Variants in ADCY2 observed in about 807,000 individuals in gnomAD.
ADCY2 encodes the protein adenylate cyclase type 2.
A neutral mutation model predicts 125.2 loss-of-function variants in ADCY2; 31 were observed. That is an observed-to-expected ratio of 0.25 (90% CI 0.19 to 0.33). ADCY2 has a LOEUF of 0.33. ADCY2 is among the 10% of genes least tolerant of loss of function. ADCY2 has a pLI of 1.00. For missense variants in ADCY2, 904 were observed against 1,418.2 expected (o/e 0.64, Z 5.82); for synonymous variants, 512 against 548.4 (o/e 0.93, Z 0.93).
intron 4 of ADCY2, among the ~76,000 whole-genome samples, chr5:7,686,346 A>G (rs1348734987): frequency 6.6e-6 from 1 of 152,232 alleles, no homozygotes; most frequent in Non-Finnish European, 1.5e-5. Flanking sequence ...GAAATTTACT[A>G]AATTAACTCT....
At chr5:7,459,986 C>T (rs1197880533) in intron 2 of ADCY2, among the ~76,000 whole-genome samples, 1 of 151,550 alleles carries the variant, frequency 6.6e-6, no homozygotes, top group East Asian at 1.9e-4. Flanking sequence ...TGAGGTTTCA[C>T]GGTGTTAGCC....
intron 3 of ADCY2, among the ~76,000 whole-genome samples, chr5:7,557,073 T>G (rs547252096): frequency 6.6e-6 from 1 of 151,620 alleles, no homozygotes; most frequent in South Asian, 2.1e-4. Flanking sequence ...CAGGAGAGGA[T>G]GTTTTCAATG....
At chr5:7,434,823 C>G (rs912073298) in intron 2 of ADCY2, among the ~76,000 whole-genome samples, 2 of 152,194 alleles carry the variant, frequency 1.3e-5, no homozygotes, top group South Asian at 4.1e-4. Context: ...AGCCAATGGT[C>G]TCAGCCAAGA....
chr5:7,524,059 A>G (rs1409096068), intron 3 of ADCY2, among the ~76,000 whole-genome samples: 1 of 152,172 alleles, frequency 6.6e-6, no homozygotes, highest in Non-Finnish European at 1.5e-5. Context: ...AAGAGAGTTC[A>G]TTGTTCTCGG....
At chr5:7,761,914 G>T (rs2126466394) in intron 16 of ADCY2, among the ~76,000 whole-genome samples, 1 of 152,262 alleles carries the variant, frequency 6.6e-6, no homozygotes, top group Non-Finnish European at 1.5e-5. Flanking sequence ...TTCCAGTGTT[G>T]TTTTCCTTCC....
At chr5:7,645,746 C>T (rs1344889964) in intron 4 of ADCY2, among the ~76,000 whole-genome samples, 1 of 152,090 alleles carries the variant, frequency 6.6e-6, no homozygotes, top group Non-Finnish European at 1.5e-5. Flanking sequence ...ACAGGCTTTC[C>T]AAATAACCAT....
At chr5:7,691,481 T>C (rs1740700747) in intron 5 of ADCY2, 1 of 152,120 alleles carries the variant, frequency 6.6e-6, no homozygotes, top group Non-Finnish European at 1.5e-5. Context: ...GGGATTATAG[T>C]AGGGAAAGAG....
intron 7 of ADCY2, 151 bp from the exon 8 acceptor site, chr5:7,706,593 C>T: frequency 1.2e-6 from 1 of 828,572 alleles, no homozygotes; most frequent in African/African-American, 1.7e-5. Context: ...CCCTTCTTAG[C>T]TCAGAGGAGT....
chr5:7,826,655 G>A, intron 24 of ADCY2, 64 bp from the exon 25 acceptor site: 1 of 1,608,728 alleles, frequency 6.2e-7, no homozygotes, highest in Admixed American at 1.7e-5. Flanking sequence ...CTGCATCCTT[G>A]AGTCAGATGG....
intron 14 of ADCY2, among the ~76,000 whole-genome samples, chr5:7,734,174 G>A (rs1742182562): frequency 6.6e-6 from 1 of 152,188 alleles, no homozygotes; most frequent in Non-Finnish European, 1.5e-5. Flanking sequence ...TTGCTTTAGG[G>A]AGGAAGTAAG....
Position 7,669,704 on chromosome 5 carries a change from C to T in ADCY2, c.721-20987C>T, listed in dbSNP as rs144072377. On this transcript the variant is annotated intron_variant, in intron 4 of 24. Transcript: ENST00000338316. Reference sequence around the variant, plus strand: ...TCTCTCTATTTATTATCAGTGTGTACGTGCACAGGGTTTTCTTCCAGTCCA... The same window carrying T: ...TCTCTCTATTTATTATCAGTGTGTATGTGCACAGGGTTTTCTTCCAGTCCA... 7.5e-3 allele frequency among the ~76,000 whole-genome samples: 1,139 copies of T among 152,240 alleles called. 12 individuals are homozygous for T. The highest frequency in any genetic ancestry group is 0.013 in the Non-Finnish European group (860 of 68,016).
intron 3 of ADCY2, among the ~76,000 whole-genome samples, chr5:7,551,882 A>T (rs1208169238): frequency 6.6e-6 from 1 of 152,234 alleles, no homozygotes; most frequent in Non-Finnish European, 1.5e-5. Flanking sequence ...AAGCCACTCC[A>T]TAACTAAACC....
At chr5:7,825,960 C>T (rs1745464086) in intron 24 of ADCY2, among the ~76,000 whole-genome samples, 2 of 152,184 alleles carry the variant, frequency 1.3e-5, no homozygotes, top group Non-Finnish European at 1.5e-5. Flanking sequence ...CCGGGTCCCT[C>T]GCCTGTCGGT....
chr5:7,810,377 G>C (rs1483792454), intron 22 of ADCY2, among the ~76,000 whole-genome samples: 1 of 151,772 alleles, frequency 6.6e-6, no homozygotes, highest in African/African-American at 2.4e-5. Flanking sequence ...TGATTGGTGA[G>C]TTTTCTACCT....
At chr5:7,417,114 G>A (rs1739982253) in intron 2 of ADCY2, among the ~76,000 whole-genome samples, 1 of 152,082 alleles carries the variant, frequency 6.6e-6, no homozygotes, top group Non-Finnish European at 1.5e-5. Context: ...TTTGTGTTTC[G>A]TCTTTTCATC....
chr5:7,803,050 G>A (rs995728350), intron 21 of ADCY2, among the ~76,000 whole-genome samples: 1 of 152,176 alleles, frequency 6.6e-6, no homozygotes, highest in African/African-American at 2.4e-5. Flanking sequence ...ACAGTGATGA[G>A]ATTACATAAC....
intron 22 of ADCY2, among the ~76,000 whole-genome samples, chr5:7,814,480 A>G (rs326150): frequency 0.078 from 11,823 of 152,146 alleles, 1,285 homozygotes; most frequent in African/African-American, 0.24. Flanking sequence ...ACAGCCCGCA[A>G]AGCAGAGAAT....
chr5:7,506,275 G>A (rs1743809731), intron 2 of ADCY2, among the ~76,000 whole-genome samples: 1 of 152,174 alleles, frequency 6.6e-6, no homozygotes, highest in Admixed American at 6.5e-5. Flanking sequence ...CTTCAAAAAT[G>A]TATAACTAGT....
At chr5:7,558,757 A>G (rs1735616026) in intron 3 of ADCY2, among the ~76,000 whole-genome samples, 1 of 152,128 alleles carries the variant, frequency 6.6e-6, no homozygotes, top group East Asian at 1.9e-4. Context: ...AATATTTGCC[A>G]GTTTCTATGG....
Sources: allele counts gnomAD v4.1 joint callset (sites outside exome capture counted in the v4.1 genomes callset), GRCh38; gene constraint gnomAD v4.1.1; transcripts MANE v1.5; gene names NCBI Gene and HGNC (gene_info 2026-07-23, HGNC 2026-07-21).